Variants in PPP6R2 observed in about 807,000 individuals in gnomAD.
The protein encoded by PPP6R2 is serine/threonine-protein phosphatase 6 regulatory subunit 2.
PPP6R2 carries 62 observed loss-of-function variants against 100.2 expected under a neutral mutation model. The observed-to-expected ratio is 0.62, with a 90% CI of 0.50 to 0.76. The LOEUF (loss-of-function observed/expected upper bound fraction) is 0.76. Ranked by LOEUF, PPP6R2 falls within the 30% of genes least tolerant of loss-of-function variation. PPP6R2 has a pLI of 0.00. For missense variants in PPP6R2, 1,142 were observed against 1,276.3 expected (o/e 0.89, Z 1.60); for synonymous variants, 525 against 514.7 (o/e 1.02, Z -0.27).
intron 1 of PPP6R2, among the ~76,000 whole-genome samples, chr22:50,359,510 C>T (rs2047365504): frequency 6.7e-6 from 1 of 148,728 alleles, no homozygotes; most frequent in Non-Finnish European, 1.5e-5. Flanking sequence ...AGCCACCATG[C>T]CCGGCCTGTG....
intron 1 of PPP6R2, among the ~76,000 whole-genome samples, chr22:50,353,642 C>T (rs1156943400): frequency 2.0e-5 from 3 of 152,020 alleles, no homozygotes; most frequent in African/African-American, 7.2e-5. Flanking sequence ...AAGGTTGCTA[C>T]CAGCCTTTAA....
intron 22 of PPP6R2, 51 bp from the exon 23 acceptor site, chr22:50,443,815 T>C: frequency 2.0e-6 from 3 of 1,522,106 alleles, no homozygotes; most frequent in Non-Finnish European, 2.7e-6. Context: ...TGAGGCGGGG[T>C]GGCACTGAGG....
At chr22:50,394,254 C>T in intron 3 of PPP6R2, 119 bp downstream of exon 3, 1 of 1,461,056 alleles carries the variant, frequency 6.8e-7, no homozygotes, top group Middle Eastern at 2.5e-4. Context: ...CGTAAAAATC[C>T]ACCCCATGTG....
Position 50,352,746 on chromosome 22 carries a change from A to C in PPP6R2, c.-148+9196A>C, listed in dbSNP as rs201759498. Among the ~76,000 whole-genome samples, 686 of 95,032 alleles carry C rather than the reference A, an allele frequency of 7.2e-3. 4 individuals are homozygous for C. Among genetic ancestry groups the C allele is most frequent in the African/African-American group, 0.018 (242 of 13,082 alleles). The allele number at this position is 95,032 out of a possible 152,430, so 62.3% of individuals were successfully genotyped here. A position where few individuals can be genotyped will look rare whatever the true frequency, so the allele number is the denominator to read the frequency against. On this transcript the variant is annotated intron_variant, in intron 1 of 23. Coordinates refer to ENST00000612753, the MANE Select transcript of PPP6R2 (RefSeq NM_001242898.2). ...CTCAAAACAAAAACAAAAACAAAAA[A>C]AAAAAACACACAAAACAACAACAAC...
rs1400769129 is a variant in PPP6R2, at chr22:50,389,967, A to T, written c.-16-3926A>T. Among the ~76,000 whole-genome samples, 9 of 147,588 alleles carry T rather than the reference A, an allele frequency of 6.1e-5. No homozygotes were observed. In the Admixed American group the frequency reaches 6.2e-4, roughly 10 times the overall value. ...ATAGAAATGTTCTTGTTATGCGGAG[A>T]TTTTTTTCTTTTTTCTTTTTCTTTT... On this transcript the variant is annotated intron_variant, in intron 2 of 23. Coordinates refer to ENST00000612753, the MANE Select transcript of PPP6R2 (RefSeq NM_001242898.2).
intron 2 of PPP6R2, among the ~76,000 whole-genome samples, chr22:50,389,670 C>T (rs976112775): frequency 4.0e-5 from 6 of 151,738 alleles, no homozygotes; most frequent in South Asian, 2.1e-4. Flanking sequence ...GTGATTTCAG[C>T]TCACTGCAAC....
intron 1 of PPP6R2, among the ~76,000 whole-genome samples, chr22:50,359,828 A>G (rs2047421804): frequency 6.6e-6 from 1 of 152,110 alleles, no homozygotes; most frequent in African/African-American, 2.4e-5. Flanking sequence ...TATCAAGGTA[A>G]TACTGGGACC....
chr22:50,332,477 G>A, the PPP6R2 span, among the ~76,000 whole-genome samples: 2 of 151,102 alleles, frequency 1.3e-5, no homozygotes, highest in Non-Finnish European at 3.0e-5. Context: ...TGATCCGCCT[G>A]TCTCAGCCTC....
intron 1 of PPP6R2, among the ~76,000 whole-genome samples, chr22:50,361,972 A>G (rs1245691884): frequency 6.6e-6 from 1 of 152,182 alleles, no homozygotes; most frequent in Non-Finnish European, 1.5e-5. Context: ...TGCAGTGCAC[A>G]TGCAGCAGGC....
In PPP6R2 at chr22:50,414,534, A is replaced by G; in HGVS notation, c.415-18A>G. 6.2e-7 allele frequency: 1 copy of G among 1,613,170 alleles called. No individual in the cohort carries two copies. The highest frequency in any genetic ancestry group is 8.5e-7 in the Non-Finnish European group (1 of 1,179,468). ...TCAGGGTCGGCCCCGCCTGCCTCTCAGGTGTGTGTGATTTCAGGTGATTAC... is the reference window on the plus strand; with the variant it reads ...TCAGGGTCGGCCCCGCCTGCCTCTCGGGTGTGTGTGATTTCAGGTGATTAC... On this transcript the variant is annotated intron_variant, in intron 4 of 23. Coordinates refer to ENST00000612753, the MANE Select transcript of PPP6R2 (RefSeq NM_001242898.2).
chr22:50,401,409 G>A (rs995165096), intron 3 of PPP6R2, among the ~76,000 whole-genome samples: 11 of 150,900 alleles, frequency 7.3e-5, no homozygotes, highest in African/African-American at 2.4e-4. Flanking sequence ...GGATTTCACC[G>A]TGTTAGCCAG....
chr22:50,443,639 G>A, intron 22 of PPP6R2: 1 of 603,048 alleles, frequency 1.7e-6, no homozygotes, highest in Non-Finnish European at 2.9e-6. Flanking sequence ...GAGGAGGTTT[G>A]AGGTCATCAA....
At chr22:50,338,378 AT>A (rs1264035820), upstream of PPP6R2, among the ~76,000 whole-genome samples, 1 of 101,170 alleles carries the variant, frequency 9.9e-6, no homozygotes, top group Non-Finnish European at 1.9e-5. Context: ...TGTGTATGGT[AT>A]ATAGTGTCTG....
chr22:50,444,056 A>C lies in PPP6R2; in HGVS notation c.2770A>C (p.Ile924Leu). 6.2e-7 allele frequency: 1 copy of C among 1,613,018 alleles called. No individual in the cohort carries two copies. Among genetic ancestry groups the C allele is most frequent in the Non-Finnish European group, 8.5e-7 (1 of 1,179,694 alleles). The change falls in exon 23 of 24, where the codon ATC (isoleucine) becomes CTC (leucine). Residue 924 changes from isoleucine (I) to leucine (L), a missense_variant. Ile to Leu is a conservative substitution (Grantham distance 5). Transcript: ENST00000612753. Reference protein sequence around the residue: ...ALAVAVPLGPIMAVTAAPAMV... With the variant: ...ALAVAVPLGPLMAVTAAPAMV... ...GGCCGTGGCGGTCCCCCTAGGGCCCATCATGGCAGTCACAGCAGCCCCAGC... is the reference window on the plus strand; with the variant it reads ...GGCCGTGGCGGTCCCCCTAGGGCCCCTCATGGCAGTCACAGCAGCCCCAGC...
At chr22:50,384,035 CAAA>C (rs547396966) in intron 2 of PPP6R2, among the ~76,000 whole-genome samples, 3 of 75,904 alleles carry the variant, frequency 4.0e-5, no homozygotes, top group Non-Finnish European at 4.9e-5. Context: ...GACTCCATCT[CAAA>C]AAAAAAAAAA....
intron 19 of PPP6R2, 108 bp downstream of exon 19, chr22:50,438,870 A>C: frequency 1.7e-6 from 2 of 1,178,098 alleles, no homozygotes; most frequent in Middle Eastern, 5.5e-4. Context: ...TTTGGGGCTC[A>C]CTGTGGCCCG....
intron 10 of PPP6R2, among the ~76,000 whole-genome samples, chr22:50,428,784 TG>T (rs1424869182): frequency 1.3e-5 from 2 of 152,228 alleles, no homozygotes; most frequent in African/African-American, 4.8e-5. Flanking sequence ...ATTTTACTTT[TG>T]CCTTTACCAT....
chr22:50,409,396 T>G (rs1230035416), intron 4 of PPP6R2, among the ~76,000 whole-genome samples: 1 of 152,194 alleles, frequency 6.6e-6, no homozygotes, highest in Non-Finnish European at 1.5e-5. Flanking sequence ...TCAAGATTAT[T>G]TTTATGATTC....
At chr22:50,355,851 AACC>A (rs1455296616) in intron 1 of PPP6R2, among the ~76,000 whole-genome samples, 16 of 151,424 alleles carry the variant, frequency 1.1e-4, no homozygotes, top group Non-Finnish European at 5.9e-5. Flanking sequence ...GAAAAAAAAA[AACC>A]AAAAAAAAAG....
Sources: allele counts gnomAD v4.1 joint callset (sites outside exome capture counted in the v4.1 genomes callset), GRCh38; gene constraint gnomAD v4.1.1; transcripts MANE v1.5; gene names NCBI Gene and HGNC (gene_info 2026-07-23, HGNC 2026-07-21).